NCAM1: variants seen among roughly 807,000 people sequenced by gnomAD.
The protein encoded by NCAM1 is neural cell adhesion molecule 1.
A neutral mutation model predicts 109.8 loss-of-function variants in NCAM1; 14 were observed. The ratio of observed to expected loss-of-function variants is 0.13; its 90% CI spans 0.08 to 0.20. The LOEUF (loss-of-function observed/expected upper bound fraction) is 0.20. Ranked by LOEUF, NCAM1 falls within the 10% of genes least tolerant of loss-of-function variation. The pLI is 1.00. For synonymous variants in NCAM1, 418 were observed against 442.9 expected (o/e 0.94, Z 0.70); for missense variants, 774 against 1,109.9 (o/e 0.70, Z 4.30).
At chr11:113,032,196 C>T (rs1952742206) in intron 1 of NCAM1, among the ~76,000 whole-genome samples, 2 of 152,172 alleles carry the variant, frequency 1.3e-5, no homozygotes, top group African/African-American at 2.4e-5. Flanking sequence ...CCAGAATTTT[C>T]AATTTCAAAT....
chr11:113,044,546 A>G (rs779550119), intron 1 of NCAM1, among the ~76,000 whole-genome samples: 3 of 151,862 alleles, frequency 2.0e-5, no homozygotes, highest in Non-Finnish European at 4.4e-5. Context: ...TTTTCTGGGC[A>G]TGGTGGTGCA....
intron 1 of NCAM1, among the ~76,000 whole-genome samples, chr11:113,175,848 A>G (rs1391875278): frequency 6.6e-6 from 1 of 152,206 alleles, no homozygotes; most frequent in Non-Finnish European, 1.5e-5. Context: ...AGCAAAAATA[A>G]TGAAAATGGG....
chr11:113,092,105 A>T (rs1939373904), intron 1 of NCAM1, among the ~76,000 whole-genome samples: 1 of 152,068 alleles, frequency 6.6e-6, no homozygotes. Context: ...TTGTCTTTAC[A>T]GCAACTTCTA....
chr11:113,267,518 T>C (rs1404329728), intron 17 of NCAM1, among the ~76,000 whole-genome samples: 1 of 149,572 alleles, frequency 6.7e-6, no homozygotes, highest in African/African-American at 2.5e-5. Flanking sequence ...CTGGAGGGAG[T>C]GTTCCAGGCA....
At chr11:113,011,970 T>TCCTC (rs1431667519) in intron 1 of NCAM1, among the ~76,000 whole-genome samples, 1 of 102,622 alleles carries the variant, frequency 9.7e-6, no homozygotes, top group Non-Finnish European at 2.1e-5. Flanking sequence ...CTCCTTTCCT[T>TCCTC]CCTTCCTTCC....
chr11:113,045,938 A>G (rs570982639), intron 1 of NCAM1, among the ~76,000 whole-genome samples: 94 of 152,176 alleles, frequency 6.2e-4, no homozygotes, highest in African/African-American at 2.2e-3. Context: ...TAAAGCTCTG[A>G]GGTGAGATGA....
At chr11:113,195,975 AAC>A (rs1368899090) in intron 1 of NCAM1, among the ~76,000 whole-genome samples, 3 of 151,710 alleles carry the variant, frequency 2.0e-5, no homozygotes, top group Non-Finnish European at 1.5e-5. Flanking sequence ...GTCATTTAAA[AAC>A]ACACAGCATG....
At chr11:113,214,803 T>C (rs940018169) in intron 8 of NCAM1, among the ~76,000 whole-genome samples, 4 of 152,152 alleles carry the variant, frequency 2.6e-5, no homozygotes, top group Non-Finnish European at 5.9e-5. Flanking sequence ...CCCAGAGTTA[T>C]GGAGCTGTGA....
chr11:113,185,079 T>TATATATATATATATATATATATAG, intron 1 of NCAM1, among the ~76,000 whole-genome samples: 61 of 125,736 alleles, frequency 4.9e-4, no homozygotes, highest in South Asian at 7.1e-4. Flanking sequence ...TATATATATA[T>TATATATATATATATATATATATAG]AGAGAGAGAG....
intron 1 of NCAM1, among the ~76,000 whole-genome samples, chr11:113,076,280 C>A (rs1938522773): frequency 6.6e-6 from 1 of 152,166 alleles, no homozygotes. Flanking sequence ...CAGCAGTTTG[C>A]AGATTAGTTC....
intron 1 of NCAM1, among the ~76,000 whole-genome samples, chr11:113,058,781 G>A (rs986875088): frequency 1.3e-5 from 2 of 152,112 alleles, no homozygotes; most frequent in Admixed American, 6.6e-5. Flanking sequence ...TGCTTTCATA[G>A]CCGGCTCAGC....
intron 1 of NCAM1, among the ~76,000 whole-genome samples, chr11:113,041,628 G>T (rs1337744252): frequency 1.3e-5 from 2 of 152,122 alleles, no homozygotes; most frequent in Non-Finnish European, 2.9e-5. Context: ...AATGAAAGAA[G>T]ATATAATGAA....
At chr11:113,252,663 TCTCA>T (rs1375188135) in intron 15 of NCAM1, among the ~76,000 whole-genome samples, 3 of 151,986 alleles carry the variant, frequency 2.0e-5, no homozygotes, top group Non-Finnish European at 4.4e-5. Context: ...TGAGACAAGG[TCTCA>T]CTCTGTCACC....
In NCAM1 at chr11:113,277,444, T is replaced by C. The variant is rs1222936142; in HGVS notation, c.*2057T>C. ...ATCTCTGGTTCAAATGCACAGGCCC[T>C]CAGAATAGAGGAACATGAAGAGAGA... On this transcript the variant is annotated 3_prime_UTR_variant, in exon 20 of 20. Coordinates refer to ENST00000316851, the MANE Select transcript of NCAM1 (RefSeq NM_181351.5). 2.5e-6 allele frequency: 1 copy of C among 398,982 alleles called. No homozygotes were observed. The allele number at this position is 398,982 out of a possible 1,614,324, so 24.7% of individuals were successfully genotyped here.
At chr11:113,069,007 T>C (rs190825599) in intron 1 of NCAM1, among the ~76,000 whole-genome samples, 180 of 152,282 alleles carry the variant, frequency 1.2e-3, no homozygotes, top group African/African-American at 3.9e-3. Flanking sequence ...CATGGTACTT[T>C]GTTTGTATTT....
intron 1 of NCAM1, among the ~76,000 whole-genome samples, chr11:113,034,387 T>C (rs1555078806): frequency 6.6e-6 from 1 of 152,062 alleles, no homozygotes; most frequent in Non-Finnish European, 1.5e-5. Context: ...AACACACTAA[T>C]ATTTGACTGG....
chr11:113,199,635 G>A (rs1218066257), intron 1 of NCAM1, among the ~76,000 whole-genome samples: 1 of 151,298 alleles, frequency 6.6e-6, no homozygotes, highest in Non-Finnish European at 1.5e-5. Context: ...GACTGTTGTG[G>A]GGTGGGGGGA....
intron 1 of NCAM1, among the ~76,000 whole-genome samples, chr11:113,064,229 G>A (rs1937831758): frequency 6.6e-6 from 1 of 152,216 alleles, no homozygotes; most frequent in Non-Finnish European, 1.5e-5. Context: ...TCCTCACTGT[G>A]ACGAGTGTTT....
chr11:113,231,057 G>A (rs1555117104), intron 9 of NCAM1: 4 of 787,404 alleles, frequency 5.1e-6, no homozygotes, highest in Non-Finnish European at 8.0e-6. Flanking sequence ...CCAGTGCAGT[G>A]GCTCCTGATC....
Sources: gnomAD v4.1 joint callset for allele counts (sites outside exome capture counted in the v4.1 genomes callset) on GRCh38, gnomAD v4.1.1 for gene constraint, MANE v1.5 for transcripts, NCBI Gene and HGNC (gene_info 2026-07-23, HGNC 2026-07-21) for gene names.